FARS2: variants seen among roughly 807,000 people sequenced by gnomAD.
The protein encoded by FARS2 is phenylalanyl-tRNA synthetase 2, mitochondrial, also known as phenylalanine--tRNA ligase, mitochondrial.
A neutral mutation model predicts 46.4 loss-of-function variants in FARS2; 40 were observed. The ratio of observed to expected loss-of-function variants is 0.86; its 90% CI spans 0.67 to 1.12. The LOEUF (loss-of-function observed/expected upper bound fraction) is 1.12. FARS2 is among the 50% of genes most tolerant of loss of function. The pLI, the probability that FARS2 is intolerant of heterozygous loss-of-function variation, is 0.00. For missense variants in FARS2, 513 were observed against 567.9 expected (o/e 0.90, Z 0.98); for synonymous variants, 234 against 214.9 (o/e 1.09, Z -0.78).
intron 4 of FARS2, among the ~76,000 whole-genome samples, chr6:5,473,452 G>A (rs148747292): frequency 0.016 from 2,371 of 151,624 alleles, 39 homozygotes; most frequent in Non-Finnish European, 0.027. Context: ...GTGTGAACCC[G>A]GGAGATGGAG....
chr6:5,445,505 G>A (rs1764132598), intron 4 of FARS2, among the ~76,000 whole-genome samples: 1 of 152,088 alleles, frequency 6.6e-6, no homozygotes, highest in African/African-American at 2.4e-5. Flanking sequence ...ACAAAATGAG[G>A]CAATGTCATC....
intron 4 of FARS2, among the ~76,000 whole-genome samples, chr6:5,444,820 G>A (rs1032275865): frequency 4.6e-5 from 7 of 152,078 alleles, no homozygotes; most frequent in South Asian, 2.1e-4. Context: ...AAGCTTGCTC[G>A]TGGCTCTTTC....
chr6:5,584,849 G>T (rs1394178120), intron 5 of FARS2, among the ~76,000 whole-genome samples: 1 of 152,198 alleles, frequency 6.6e-6, no homozygotes, highest in East Asian at 1.9e-4. Flanking sequence ...CTATGTTTGT[G>T]CATTTGCCAG....
intron 1 of FARS2, among the ~76,000 whole-genome samples, chr6:5,364,904 C>T (rs115114658): frequency 0.02 from 2,970 of 152,146 alleles, 76 homozygotes; most frequent in African/African-American, 0.066. Context: ...TAGTGGCTTG[C>T]ACCTGTAGTC....
At chr6:5,525,882 G>A (rs560200750) in intron 4 of FARS2, among the ~76,000 whole-genome samples, 3 of 152,144 alleles carry the variant, frequency 2.0e-5, no homozygotes, top group Admixed American at 6.5e-5. Context: ...TGCTCTAACA[G>A]GAAGACTACA....
At chr6:5,268,289 T>C (rs1329738768) in intron 1 of FARS2, among the ~76,000 whole-genome samples, 11 of 151,910 alleles carry the variant, frequency 7.2e-5, no homozygotes, top group Admixed American at 5.9e-4. Flanking sequence ...CATGCCTATG[T>C]CCTGAATGGT....
intron 4 of FARS2, among the ~76,000 whole-genome samples, chr6:5,449,373 AAAGAAAAAGAAAACTC>A (rs1764358624): frequency 6.6e-6 from 1 of 151,496 alleles, no homozygotes; most frequent in African/African-American, 2.4e-5. Flanking sequence ...AAAAGAAAAA[AAAGAAAAAGAAAACTC>A]ATAGACTTAA....
At chr6:5,507,391 A>G in intron 4 of FARS2, among the ~76,000 whole-genome samples, 1 of 152,248 alleles carries the variant, frequency 6.6e-6, no homozygotes, top group East Asian at 1.9e-4. Context: ...CTCTTTAAAA[A>G]AAAAAAATCT....
intron 1 of FARS2, among the ~76,000 whole-genome samples, chr6:5,288,662 T>A (rs1450941679): frequency 1.3e-5 from 2 of 152,188 alleles, no homozygotes; most frequent in Non-Finnish European, 2.9e-5. Context: ...GCTGGCAGTA[T>A]ATGGAGGTGC....
chr6:5,353,799 C>T (rs1405052303), intron 1 of FARS2, among the ~76,000 whole-genome samples: 1 of 106,438 alleles, frequency 9.4e-6, no homozygotes, highest in Non-Finnish European at 1.7e-5. Context: ...AACCCCTTGT[C>T]AGATGTACAG....
intron 4 of FARS2, among the ~76,000 whole-genome samples, chr6:5,464,770 A>C (rs1765425224): frequency 1.3e-5 from 2 of 152,222 alleles, no homozygotes; most frequent in African/African-American, 4.8e-5. Context: ...ACCAGAGAAA[A>C]GTATCTCTTA....
At chr6:5,682,726 C>T (rs1200934705) in intron 6 of FARS2, among the ~76,000 whole-genome samples, 2 of 152,208 alleles carry the variant, frequency 1.3e-5, no homozygotes, top group South Asian at 4.1e-4. Flanking sequence ...CAAGGCTCTG[C>T]CCTCATGGAG....
chr6:5,737,494 G>C (rs1383156363), intron 6 of FARS2, among the ~76,000 whole-genome samples: 1 of 152,254 alleles, frequency 6.6e-6, no homozygotes, highest in African/African-American at 2.4e-5. Flanking sequence ...TTGTGCCACT[G>C]CAGTCCAGCC....
chr6:5,432,630 G>A (rs934519159), intron 4 of FARS2, among the ~76,000 whole-genome samples: 1 of 149,250 alleles, frequency 6.7e-6, no homozygotes, highest in Non-Finnish European at 1.5e-5. Context: ...AAATTGGATA[G>A]GAACTGATGT....
intron 6 of FARS2, among the ~76,000 whole-genome samples, chr6:5,703,912 G>A (rs995653348): frequency 2.0e-5 from 3 of 152,004 alleles, no homozygotes; most frequent in African/African-American, 7.3e-5. Flanking sequence ...CCCGGCTTGT[G>A]CCTCCTAAAC....
intron 4 of FARS2, among the ~76,000 whole-genome samples, chr6:5,514,699 C>T (rs181091235): frequency 1.3e-3 from 198 of 152,264 alleles, no homozygotes; most frequent in African/African-American, 4.5e-3. Flanking sequence ...CATCCCTTGA[C>T]ATCCCTATGG....
intron 5 of FARS2, among the ~76,000 whole-genome samples, chr6:5,593,063 C>G (rs1312630632): frequency 2.6e-5 from 4 of 152,202 alleles, no homozygotes; most frequent in Non-Finnish European, 5.9e-5. Flanking sequence ...TGCCTTATCT[C>G]CTTGTCACAG....
intron 6 of FARS2, among the ~76,000 whole-genome samples, chr6:5,725,288 G>C (rs1428364532): frequency 6.6e-6 from 1 of 152,240 alleles, no homozygotes; most frequent in African/African-American, 2.4e-5. Context: ...TGTCCGTGGG[G>C]AGAAAATTGG....
intron 6 of FARS2, among the ~76,000 whole-genome samples, chr6:5,624,392 C>T (rs4960115): frequency 0.29 from 43,963 of 151,932 alleles, 6,583 homozygotes; most frequent in Middle Eastern, 0.37. Flanking sequence ...AAAGATTCTT[C>T]GGGATTCCCT....
Sources: allele counts gnomAD v4.1 joint callset (sites outside exome capture counted in the v4.1 genomes callset), GRCh38; gene constraint gnomAD v4.1.1; transcripts MANE v1.5; gene names NCBI Gene and HGNC (gene_info 2026-07-23, HGNC 2026-07-21).